Variants in CHP1 observed in about 807,000 individuals in gnomAD.
The protein encoded by CHP1 is calcineurin like EF-hand protein 1.
Under a neutral mutation model 27.4 loss-of-function variants are expected in CHP1, and 11 were observed. That is an observed-to-expected ratio of 0.40 (90% CI 0.25 to 0.67). The LOEUF is 0.67. Ranked by LOEUF, CHP1 falls within the 30% of genes least tolerant of loss-of-function variation. CHP1 has a pLI of 0.38. For synonymous variants in CHP1, 89 were observed against 87.4 expected (o/e 1.02, Z -0.10); for missense variants, 169 against 251.3 (o/e 0.67, Z 2.22).
intron 4 of CHP1, 32 bp from the exon 5 acceptor site, chr15:41,270,525 A>G: frequency 2.5e-6 from 4 of 1,574,152 alleles, no homozygotes; most frequent in Non-Finnish European, 3.5e-6. Context: ...ACACTACAGA[A>G]TTTTGACTAA....
At chr15:41,240,747 C>CT (rs2047302358) in intron 1 of CHP1, among the ~76,000 whole-genome samples, 1 of 124,720 alleles carries the variant, frequency 8.0e-6, no homozygotes, top group South Asian at 2.6e-4. Flanking sequence ...GAGCGAAACT[C>CT]TATCTCAAAA....
intron 3 of CHP1, among the ~76,000 whole-genome samples, chr15:41,258,873 A>C (rs941483106): frequency 2.2e-4 from 33 of 152,202 alleles, no homozygotes; most frequent in African/African-American, 8.0e-4. Context: ...AAATGCCTGG[A>C]GAGGAAATTT....
chr15:41,255,529 C>T (rs956403823), intron 2 of CHP1, among the ~76,000 whole-genome samples: 8 of 151,488 alleles, frequency 5.3e-5, no homozygotes, highest in Non-Finnish European at 1.0e-4. Context: ...AAAAATTGGC[C>T]GGGCATGGTA....
At chr15:41,278,741 G>A (rs1356903035) in intron 5 of CHP1, 26 bp from the exon 6 acceptor site, 3 of 1,613,692 alleles carry the variant, frequency 1.9e-6, no homozygotes, top group Non-Finnish European at 2.5e-6. Flanking sequence ...CAAGGCCCTT[G>A]TAATTCCTGG....
chr15:41,238,196 C>G (rs1424139906), intron 1 of CHP1, among the ~76,000 whole-genome samples: 1 of 151,438 alleles, frequency 6.6e-6, no homozygotes, highest in African/African-American at 2.4e-5. Flanking sequence ...CTCACTCTGT[C>G]ACCCAGGTTG....
At chr15:41,269,394 G>T (rs1424067844) in intron 4 of CHP1, among the ~76,000 whole-genome samples, 11 of 152,018 alleles carry the variant, frequency 7.2e-5, no homozygotes, top group Non-Finnish European at 1.5e-4. Flanking sequence ...TTTTGGAGGG[G>T]AGTGATATTT....
In CHP1 at chr15:41,277,560, C is replaced by T. The variant is rs538031006; in HGVS notation, c.412-1207C>T. Among the ~76,000 whole-genome samples the T allele has an allele frequency of 3.4e-4, 52 of 151,844 alleles. No homozygotes were observed. In the Middle Eastern group the frequency reaches 0.01, roughly 30 times the overall value. ...ATCTCAGCACTTTGGGAGGCGGAGG[C>T]GGGCAGATCATGAGGTCAGGAGTTC... On this transcript the variant is annotated intron_variant, in intron 5 of 6. Transcript: ENST00000334660.
At chr15:41,256,474 T>G (rs1595477121) in intron 2 of CHP1, among the ~76,000 whole-genome samples, 1 of 152,196 alleles carries the variant, frequency 6.6e-6, no homozygotes, top group Admixed American at 6.5e-5. Context: ...TGTAAGTGCC[T>G]AAAAATCTTA....
chr15:41,241,745 C>G (rs138464147), intron 1 of CHP1, among the ~76,000 whole-genome samples: 1 of 152,198 alleles, frequency 6.6e-6, no homozygotes, highest in Non-Finnish European at 1.5e-5. Context: ...AGTGTGTCCT[C>G]TTATCCCAGC....
At chr15:41,267,657 G>A (rs1165640723) in intron 4 of CHP1, among the ~76,000 whole-genome samples, 2 of 149,114 alleles carry the variant, frequency 1.3e-5, no homozygotes, top group African/African-American at 2.5e-5. Flanking sequence ...GCAAGACTCC[G>A]TCTCCCAAAA....
At chr15:41,255,197 G>A (rs893534658) in intron 2 of CHP1, among the ~76,000 whole-genome samples, 1 of 152,102 alleles carries the variant, frequency 6.6e-6, no homozygotes, top group African/African-American at 2.4e-5. Context: ...CCTAGTCCGG[G>A]ATCATGTGTT....
chr15:41,231,584 G>C, intron 1 of CHP1, 135 bp downstream of exon 1: 3 of 783,170 alleles, frequency 3.8e-6, no homozygotes, highest in Non-Finnish European at 6.4e-6. Flanking sequence ...TTTGGGGACC[G>C]AGAGCTGGAA....
chr15:41,232,784 C>T (rs956642124), intron 1 of CHP1, among the ~76,000 whole-genome samples: 2 of 152,110 alleles, frequency 1.3e-5, no homozygotes, highest in Non-Finnish European at 2.9e-5. Context: ...TAACTCACTC[C>T]GGCCCATATG....
chr15:41,279,665 A>T lies in CHP1; in HGVS notation c.*276A>T, dbSNP rs2047536398. ...TCCCCATTCTGCTGCTGAATGCCACACATCCATCCAGTCTGAGAAAGTGAG... is the reference window on the plus strand; with the variant it reads ...TCCCCATTCTGCTGCTGAATGCCACTCATCCATCCAGTCTGAGAAAGTGAG... On this transcript the variant is annotated 3_prime_UTR_variant, in exon 7 of 7. Transcript: ENST00000334660. The T allele has an allele frequency of 7.9e-6, 3 of 377,484 alleles. No homozygotes were observed. Among genetic ancestry groups the T allele is most frequent in the Non-Finnish European group, 9.6e-6 (2 of 208,490 alleles). 23.4% of individuals were successfully genotyped at this position (377,484 alleles called of 1,614,324 possible). A position where few individuals can be genotyped will look rare whatever the true frequency, so the allele number is the denominator to read the frequency against.
chr15:41,243,445 C>T (rs2047317398), intron 1 of CHP1, among the ~76,000 whole-genome samples: 1 of 152,178 alleles, frequency 6.6e-6, no homozygotes, highest in African/African-American at 2.4e-5. Flanking sequence ...CTTAATTAAG[C>T]CTAGACTTCA....
chr15:41,238,621 A>T (rs2047289783), intron 1 of CHP1, among the ~76,000 whole-genome samples: 1 of 151,862 alleles, frequency 6.6e-6, no homozygotes. Flanking sequence ...CGGGTGGATC[A>T]CGAGGTCGGG....
rs964307872 is a variant in CHP1, at chr15:41,273,418, G to A, written c.411+2800G>A. Among the ~76,000 whole-genome samples the A allele has an allele frequency of 5.9e-5, 9 of 151,984 alleles. No individual in the cohort carries two copies. The East Asian group carries it at 1.6e-3, about 26-fold the overall frequency. ...TTTTCTGGAGACGGTGTTTCACTCT[G>A]TCGCCCAGGCTGGAGAGCAGTGGCG... On this transcript the variant is annotated intron_variant, in intron 5 of 6. Coordinates refer to ENST00000334660, the MANE Select transcript of CHP1 (RefSeq NM_007236.5).
rs780517377 is a variant in CHP1 at position 41,256,897 on chromosome 15, A to AT, written c.141-11dup. 6.2e-7 allele frequency: 1 copy of AT among 1,613,222 alleles called. No individual in the cohort carries two copies. Among genetic ancestry groups the AT allele is most frequent in the Non-Finnish European group, 8.5e-7 (1 of 1,179,168 alleles). On this transcript the variant is annotated splice_polypyrimidine_tract_variant and intron_variant, in intron 2 of 6. Transcript: ENST00000334660. ...AATGATCTCTATCTAACTCAAGGTG[A>AT]TTCTCTTGGCAGCCGGGAAGATTTC...
intron 4 of CHP1, among the ~76,000 whole-genome samples, chr15:41,265,415 A>T (rs936043970): frequency 5.8e-5 from 8 of 137,078 alleles, no homozygotes; most frequent in South Asian, 4.9e-4. Context: ...TTACTTAGAA[A>T]TCTGGGTTTA....
Sources: allele counts gnomAD v4.1 joint callset (sites outside exome capture counted in the v4.1 genomes callset), GRCh38; gene constraint gnomAD v4.1.1; transcripts MANE v1.5; gene names NCBI Gene and HGNC (gene_info 2026-07-23, HGNC 2026-07-21).